The following C1D variants were observed in gnomAD, a reference collection of about 807,000 sequenced individuals.
C1D encodes the protein nuclear nucleic acid-binding protein C1D.
C1D carries 10 observed loss-of-function variants against 17.5 expected under a neutral mutation model. The ratio of observed to expected loss-of-function variants is 0.57; its 90% CI spans 0.35 to 0.97. The LOEUF (loss-of-function observed/expected upper bound fraction) is 0.97. C1D is among the 50% of genes least tolerant of loss of function. The pLI is 0.01. For missense variants in C1D, 136 were observed against 160.1 expected (o/e 0.85, Z 0.81); for synonymous variants, 49 against 54.0 (o/e 0.91, Z 0.40).
chr2:68,052,922 A>T (rs970861781), intron 1 of C1D: 23 of 1,163,112 alleles, frequency 2.0e-5, no homozygotes, highest in Admixed American at 2.7e-5. Flanking sequence ...AGCACTGATT[A>T]TGTGCCAGGC....
At chr2:68,057,194 C>A (rs927791805) in intron 1 of C1D, among the ~76,000 whole-genome samples, 1 of 152,110 alleles carries the variant, frequency 6.6e-6, no homozygotes, top group Non-Finnish European at 1.5e-5. Flanking sequence ...TTCTTGTTGC[C>A]CAGGTTGGAG....
intron 1 of C1D, among the ~76,000 whole-genome samples, chr2:68,058,252 A>G (rs1176227057): frequency 6.6e-6 from 1 of 152,266 alleles, no homozygotes; most frequent in African/African-American, 2.4e-5. Flanking sequence ...TACTTGGAAG[A>G]TAATAGTGAG....
chr2:68,057,130 C>T (rs1008760749), intron 1 of C1D, among the ~76,000 whole-genome samples: 18 of 152,232 alleles, frequency 1.2e-4, no homozygotes, highest in African/African-American at 4.3e-4. Context: ...AGTTGAAGAA[C>T]AGCATGTATA....
chr2:68,044,065 T>C (rs968376825), intron 4 of C1D, among the ~76,000 whole-genome samples: 4 of 152,332 alleles, frequency 2.6e-5, no homozygotes, highest in African/African-American at 4.8e-5. Context: ...AACCTTGTCA[T>C]TGAGGCCCTG....
chr2:68,043,426 C>T lies in C1D; in HGVS notation c.262-373G>A, dbSNP rs549820827. 3.9e-5 allele frequency among the ~76,000 whole-genome samples: 6 copies of T among 152,042 alleles called. No homozygotes were observed. In the East Asian group the frequency reaches 5.8e-4, roughly 15 times the overall value. ...CTGTTTTGTATCTAAAGTAAAAAAC[C>T]GGAGCTTTCATATACTTGCAAAATA... On this transcript the variant is annotated intron_variant, in intron 4 of 4. Coordinates refer to ENST00000410067, the MANE Select transcript of C1D (RefSeq NM_173177.3).
At chr2:68,061,767 G>C (rs1313393699) in intron 1 of C1D, among the ~76,000 whole-genome samples, 2 of 152,188 alleles carry the variant, frequency 1.3e-5, no homozygotes, top group African/African-American at 4.8e-5. Context: ...TTTGGAAACA[G>C]TAGCTGAGAT....
At chr2:68,059,551 G>A (rs114057013) in intron 1 of C1D, among the ~76,000 whole-genome samples, 2,266 of 152,192 alleles carry the variant, frequency 0.015, 42 homozygotes, top group Middle Eastern at 0.02. Context: ...ACACTGGTGT[G>A]CAACTATCTG....
At chr2:68,046,073 T>C in intron 3 of C1D, 30 bp from the exon 4 acceptor site, 1 of 1,437,790 alleles carries the variant, frequency 7.0e-7, no homozygotes, top group South Asian at 1.2e-5. Context: ...TGGAATAAAA[T>C]GGTGAATGTA....
intron 1 of C1D, among the ~76,000 whole-genome samples, chr2:68,062,706 G>A (rs1487264364): frequency 1.3e-5 from 2 of 152,122 alleles, no homozygotes; most frequent in Admixed American, 6.6e-5. Context: ...GAGAGAGACC[G>A]GAGCAAAAGA....
chr2:68,053,329 G>A, intron 1 of C1D: 2 of 1,001,174 alleles, frequency 2.0e-6, no homozygotes, highest in Non-Finnish European at 2.8e-6. Flanking sequence ...GAAAACAAGA[G>A]TGCATAGCAT....
At chr2:68,054,990 A>G (rs1671398833) in intron 1 of C1D, among the ~76,000 whole-genome samples, 1 of 151,558 alleles carries the variant, frequency 6.6e-6, no homozygotes, top group South Asian at 2.1e-4. Flanking sequence ...AAAAAAAAAA[A>G]AAAGACTATT....
chr2:68,045,996 G>A lies in C1D; in HGVS notation c.253C>T (p.Gln85Ter), dbSNP rs765182835. The A allele has an allele frequency of 1.3e-6, 2 of 1,585,200 alleles. No individual in the cohort carries two copies. The highest frequency in any genetic ancestry group is 1.2e-5 in the South Asian group (1 of 86,486). The change falls in exon 4 of 5, where the codon CAG becomes TAG. Residue 85 changes from glutamine to a stop codon, truncating the protein, a stop_gained. Transcript: ENST00000410067. LOFTEE classifies it high-confidence loss of function. ...AGAAATTAAAATCTTACCAATTCCTGTTTTACTGGATGTTCCTTAGGATTA... is the reference window on the plus strand; with the variant it reads ...AGAAATTAAAATCTTACCAATTCCTATTTTACTGGATGTTCCTTAGGATTA... ...GVNPKEHPVK[Q>*]ELERIRVYMN...
rs1057473268 is a variant in C1D at position 68,041,144 on chromosome 2, T to A, written c.*1745A>T. The A allele has an allele frequency of 6.6e-6, 1 of 151,972 alleles. No homozygotes were observed. Among genetic ancestry groups the A allele is most frequent in the Admixed American group, 6.6e-5 (1 of 15,260 alleles). 9.4% of individuals were successfully genotyped at this position (151,972 alleles called of 1,614,324 possible). On this transcript the variant is annotated 3_prime_UTR_variant, in exon 5 of 5. Coordinates refer to ENST00000410067, the MANE Select transcript of C1D (RefSeq NM_173177.3). The stretch of plus-strand genomic sequence containing the variant: ...ACCCAATGCACTACAGCCATTCAGC[T>A]CCTTATTACGTGCTAAGTATTTAAA...
intron 4 of C1D, among the ~76,000 whole-genome samples, chr2:68,044,896 A>T (rs1671074443): frequency 6.6e-6 from 1 of 152,188 alleles, no homozygotes; most frequent in Admixed American, 6.5e-5. Context: ...AATGGAAAAA[A>T]GAGAAATTGT....
At chr2:68,057,812 C>T (rs772589792) in intron 1 of C1D, among the ~76,000 whole-genome samples, 1 of 152,176 alleles carries the variant, frequency 6.6e-6, no homozygotes, top group Non-Finnish European at 1.5e-5. Context: ...ATTCAAAGAA[C>T]CATATAAATG....
chr2:68,057,677 TATAA>T (rs1283057103), intron 1 of C1D, among the ~76,000 whole-genome samples: 4 of 152,228 alleles, frequency 2.6e-5, no homozygotes, highest in Non-Finnish European at 5.9e-5. Context: ...TACTTAAGTT[TATAA>T]ATAAAAACTT....
At chr2:68,056,199 C>T (rs1014860069) in intron 1 of C1D, among the ~76,000 whole-genome samples, 7 of 152,134 alleles carry the variant, frequency 4.6e-5, no homozygotes, top group Non-Finnish European at 7.4e-5. Context: ...CTCAGCTCAA[C>T]GCAACCTCTG....
chr2:68,061,062 T>C (rs568129800), intron 1 of C1D, among the ~76,000 whole-genome samples: 1 of 152,362 alleles, frequency 6.6e-6, no homozygotes, highest in South Asian at 2.1e-4. Flanking sequence ...TTCCCATCTC[T>C]ACACCAAATA....
intron 1 of C1D, among the ~76,000 whole-genome samples, chr2:68,052,472 A>C (rs1291673092): frequency 6.6e-6 from 1 of 152,218 alleles, no homozygotes; most frequent in African/African-American, 2.4e-5. Flanking sequence ...GTCTTTATTT[A>C]AATGTGAATT....
Sources: allele counts gnomAD v4.1 joint callset (sites outside exome capture counted in the v4.1 genomes callset), GRCh38; gene constraint gnomAD v4.1.1; transcripts MANE v1.5; gene names NCBI Gene and HGNC (gene_info 2026-07-23, HGNC 2026-07-21).